The following ADCY2 variants were observed in gnomAD, a reference collection of about 807,000 sequenced individuals.
ADCY2 encodes the protein adenylate cyclase type 2.
A neutral mutation model predicts 125.2 loss-of-function variants in ADCY2; 31 were observed. That is an observed-to-expected ratio of 0.25 (90% CI 0.19 to 0.33). ADCY2 has a LOEUF of 0.33. Ranked by LOEUF, ADCY2 falls within the 10% of genes least tolerant of loss-of-function variation. The probability of loss-of-function intolerance (pLI) is 1.00; values close to 1 mark genes in which losing one functional copy is unlikely to be tolerated. For missense variants in ADCY2, 904 were observed against 1,418.2 expected, an observed-to-expected ratio of 0.64 and a Z score of 5.82; for synonymous variants, 512 against 548.4, an observed-to-expected ratio of 0.93 and a Z score of 0.93.
At chr5:7,466,977 G>A (rs905760812) in intron 2 of ADCY2, among the ~76,000 whole-genome samples, 5 of 152,144 alleles carry the variant, frequency 3.3e-5, no homozygotes, top group Non-Finnish European at 5.9e-5. Flanking sequence ...ATGATGCTGG[G>A]CAGTGCCAGC....
chr5:7,791,241 AT>A (rs550549872), intron 20 of ADCY2, among the ~76,000 whole-genome samples: 1,786 of 149,704 alleles, frequency 0.012, 37 homozygotes, highest in African/African-American at 0.041. Flanking sequence ...GGGTCCTGAG[AT>A]TTTTTTTTTC....
chr5:7,561,791 G>A (rs1465895412), intron 3 of ADCY2, among the ~76,000 whole-genome samples: 1 of 152,144 alleles, frequency 6.6e-6, no homozygotes, highest in African/African-American at 2.4e-5. Flanking sequence ...TGTTCATATT[G>A]TTGCCATGAT....
At chr5:7,464,933 T>C (rs78607351) in intron 2 of ADCY2, among the ~76,000 whole-genome samples, 2,596 of 152,298 alleles carry the variant, frequency 0.017, 43 homozygotes, top group African/African-American at 0.042. Context: ...CCCACAGTTC[T>C]ATGTGGCTAT....
In ADCY2 at chr5:7,752,772, A is replaced by C. The variant is rs72712264; in HGVS notation, c.1957-4677A>C. On this transcript the variant is annotated intron_variant, in intron 15 of 24. Coordinates refer to ENST00000338316, the MANE Select transcript of ADCY2 (RefSeq NM_020546.3). ...TATTTTTGGTGGAGCATGTATGAAC[A>C]TTTTGTTTTTCTGAGGAAGATCTGC... Among the ~76,000 whole-genome samples, 644 of 151,610 alleles carry C rather than the reference A, an allele frequency of 4.2e-3. 3 individuals carry two copies. The highest frequency in any genetic ancestry group is 6.7e-3 in the Non-Finnish European group (458 of 67,928).
At chr5:7,779,752 G>A (rs1743857265) in intron 18 of ADCY2, among the ~76,000 whole-genome samples, 1 of 152,184 alleles carries the variant, frequency 6.6e-6, no homozygotes, top group African/African-American at 2.4e-5. Flanking sequence ...TCTGTCCCTG[G>A]AAGATGTTGG....
At chr5:7,725,304 T>C (rs1741897382) in intron 13 of ADCY2, among the ~76,000 whole-genome samples, 1 of 152,214 alleles carries the variant, frequency 6.6e-6, no homozygotes, top group Non-Finnish European at 1.5e-5. Flanking sequence ...TCCAACTATA[T>C]AATTACAGGC....
chr5:7,406,711 T>C (rs1739501564), intron 1 of ADCY2, among the ~76,000 whole-genome samples: 1 of 152,254 alleles, frequency 6.6e-6, no homozygotes, highest in South Asian at 2.1e-4. Flanking sequence ...ACCTCTTGTC[T>C]GCCATAAATA....
At chr5:7,473,216 AC>A (rs1174530435) in intron 2 of ADCY2, among the ~76,000 whole-genome samples, 1 of 152,168 alleles carries the variant, frequency 6.6e-6, no homozygotes, top group African/African-American at 2.4e-5. Flanking sequence ...TTTGTAAAAA[AC>A]ATAAGTTTAT....
intron 3 of ADCY2, among the ~76,000 whole-genome samples, chr5:7,566,447 G>A (rs759525120): frequency 2.0e-5 from 3 of 152,076 alleles, no homozygotes; most frequent in South Asian, 2.1e-4. Flanking sequence ...AGTGAGATAC[G>A]ATCGAGCCAC....
At chr5:7,734,219 GT>G (rs1256622010) in intron 14 of ADCY2, among the ~76,000 whole-genome samples, 2 of 152,180 alleles carry the variant, frequency 1.3e-5, no homozygotes, top group Non-Finnish European at 2.9e-5. Flanking sequence ...GTCCGTGAAA[GT>G]CATGACATTC....
At chr5:7,475,678 G>A (rs1742499648) in intron 2 of ADCY2, among the ~76,000 whole-genome samples, 1 of 152,286 alleles carries the variant, frequency 6.6e-6, no homozygotes, top group African/African-American at 2.4e-5. Context: ...CACTGCACCC[G>A]GCAAGATGTA....
chr5:7,403,290 T>A (rs1338973418), intron 1 of ADCY2, among the ~76,000 whole-genome samples: 1 of 152,216 alleles, frequency 6.6e-6, no homozygotes, highest in Non-Finnish European at 1.5e-5. Flanking sequence ...ATTATTAATG[T>A]TAAAAATTAA....
chr5:7,444,751 G>T (rs375706373), intron 2 of ADCY2, among the ~76,000 whole-genome samples: 17 of 152,258 alleles, frequency 1.1e-4, no homozygotes, highest in African/African-American at 3.4e-4. Context: ...CCCCAGTAGT[G>T]CCTAACAGTG....
In ADCY2 at chr5:7,418,933, G is replaced by A. The variant is rs555587342; in HGVS notation, c.408+4163G>A. Reference sequence around the variant, plus strand: ...CTCCCAAACTGCTGGGATTACAGGCGTGAGCCACTGCACCCAGCCCTGGTG... The same window carrying A: ...CTCCCAAACTGCTGGGATTACAGGCATGAGCCACTGCACCCAGCCCTGGTG... On this transcript the variant is annotated intron_variant, in intron 2 of 24. Transcript: ENST00000338316. 1.5e-4 allele frequency among the ~76,000 whole-genome samples: 23 copies of A among 152,198 alleles called. 1 individual carries two copies. In the South Asian group the frequency reaches 4.6e-3, roughly 30 times the overall value.
Position 7,459,772 on chromosome 5 carries a change from A to ATTTTTTT in ADCY2, c.408+45029_408+45035dup, listed in dbSNP as rs3033085. On this transcript the variant is annotated intron_variant, in intron 2 of 24. Coordinates refer to ENST00000338316, the MANE Select transcript of ADCY2 (RefSeq NM_020546.3). Reference sequence around the variant, plus strand: ...GAACTATCTAGCAGTTTAAGAGGTAATTTTTTTTTTTTTTTTTTTTTTTTT... The same window carrying ATTTTTTT: ...GAACTATCTAGCAGTTTAAGAGGTAATTTTTTTTTTTTTTTTTTTTTTTTTTTTTTTT... 3.1e-3 allele frequency among the ~76,000 whole-genome samples: 225 copies of ATTTTTTT among 72,856 alleles called. 21 individuals carry two copies. The highest frequency in any genetic ancestry group is 0.01 in the African/African-American group (169 of 16,346). The allele number at this position is 72,856 out of a possible 152,430, so 47.8% of individuals were successfully genotyped here. A position where few individuals can be genotyped will look rare whatever the true frequency, so the allele number is the denominator to read the frequency against.
At chr5:7,539,202 T>C (rs940947993) in intron 3 of ADCY2, among the ~76,000 whole-genome samples, 12 of 152,170 alleles carry the variant, frequency 7.9e-5, no homozygotes, top group African/African-American at 2.7e-4. Context: ...TTTTTACAAA[T>C]CAGAGTACAG....
intron 1 of ADCY2, among the ~76,000 whole-genome samples, chr5:7,409,370 C>A (rs1739625832): frequency 6.6e-6 from 1 of 152,110 alleles, no homozygotes; most frequent in Non-Finnish European, 1.5e-5. Context: ...GCACAATTAC[C>A]CCTGAACTTA....
intron 20 of ADCY2, among the ~76,000 whole-genome samples, chr5:7,792,217 C>CAAAAAAAAA (rs57224712): frequency 1.0e-5 from 1 of 99,446 alleles, no homozygotes; most frequent in Non-Finnish European, 2.0e-5. Context: ...ACTAAAAATA[C>CAAAAAAAAA]AAAAAAAAAA....
chr5:7,491,099 G>A (rs1561054683), intron 2 of ADCY2, among the ~76,000 whole-genome samples: 1 of 152,076 alleles, frequency 6.6e-6, no homozygotes, highest in Non-Finnish European at 1.5e-5. Flanking sequence ...ATTAAATAAG[G>A]GGAATGCCTT....
Sources: allele counts gnomAD v4.1 joint callset (sites outside exome capture counted in the v4.1 genomes callset), GRCh38; gene constraint gnomAD v4.1.1; transcripts MANE v1.5; gene names NCBI Gene and HGNC (gene_info 2026-07-23, HGNC 2026-07-21).